The following MUC12 variants were observed in gnomAD, a reference collection of about 807,000 sequenced individuals.
The protein encoded by MUC12 is mucin-12.
MUC12 carries 172 observed loss-of-function variants against 230.8 expected under a neutral mutation model. The ratio of observed to expected loss-of-function variants is 0.75; its 90% CI spans 0.66 to 0.85. The LOEUF (loss-of-function observed/expected upper bound fraction) is 0.85. Ranked by LOEUF, MUC12 falls within the 40% of genes least tolerant of loss-of-function variation. The pLI, the probability that MUC12 is intolerant of heterozygous loss-of-function variation, is 0.00. For missense variants in MUC12, 3,506 were observed against 5,920.6 expected (o/e 0.59, Z 13.38); for synonymous variants, 1,259 against 2,401.9 (o/e 0.52, Z 13.91).
rs1793477583 is a variant in MUC12 at position 100,995,964 on chromosome 7, C to G, written c.5401C>G (p.His1801Asp). ...SGRSEESRTS[H>D]SSTTHTISSP... ...TCGTAGTGAAGAATCAAGAACTTCC[C>G]ACAGCAGCACAACACACACAATATC... Residue 1801 changes from histidine to aspartate, a missense_variant, in exon 2 of 12, where the codon CAC becomes GAC. His to Asp is a moderately conservative substitution (Grantham distance 81, BLOSUM62 -1). Coordinates refer to ENST00000536621, the MANE Select transcript of MUC12 (RefSeq NM_001164462.2). 2.2e-6 allele frequency: 2 copies of G among 912,770 alleles called. No homozygotes were observed. The highest frequency in any genetic ancestry group is 2.6e-5 in the Admixed American group (1 of 38,466). 56.5% of individuals were successfully genotyped at this position (912,770 alleles called of 1,614,324 possible).
Position 100,990,572 on chromosome 7 carries a change from C to A in MUC12, c.68-59C>A, listed in dbSNP as rs10234997. On this transcript the variant is annotated intron_variant, in intron 1 of 11. Coordinates refer to ENST00000536621, the MANE Select transcript of MUC12 (RefSeq NM_001164462.2). ...CGGATGTGTCAGAATTGACTGCCAC[C>A]AAACATGAGGAGACAGTCATAAATC... 1,578 of 1,530,440 alleles carry A rather than the reference C, an allele frequency of 1.0e-3. 16 individuals carry two copies. In the African/African-American group the frequency reaches 0.02, roughly 19 times the overall value. 94.8% of individuals were successfully genotyped at this position (1,530,440 alleles called of 1,614,324 possible). A position where few individuals can be genotyped will look rare whatever the true frequency, so the allele number is the denominator to read the frequency against.
At chr7:101,006,424 C>T in intron 2 of MUC12, 47 bp from the exon 3 acceptor site, 2 of 1,374,524 alleles carry the variant, frequency 1.5e-6, no homozygotes, top group Non-Finnish European at 2.0e-6. Context: ...CGTGTTTTTG[C>T]TCTTTGGGCT....
intron 9 of MUC12, chr7:101,014,381 C>A: frequency 4.1e-6 from 1 of 245,032 alleles, no homozygotes; most frequent in South Asian, 8.8e-5. Context: ...AGTCCAAGAT[C>A]AAGGGGCTGC....
Position 101,018,907 on chromosome 7 carries a change from C to T in MUC12, c.*271C>T. ...GGGTGGCTCCCCACTCTGGAATTTC[C>T]CTACCAATAAAAGCAAATCTGAAAG... On this transcript the variant is annotated 3_prime_UTR_variant, in exon 12 of 12. Coordinates refer to ENST00000536621, the MANE Select transcript of MUC12 (RefSeq NM_001164462.2). 2.3e-6 allele frequency: 1 copy of T among 433,216 alleles called. No individual in the cohort carries two copies. 26.8% of individuals were successfully genotyped at this position (433,216 alleles called of 1,614,324 possible).
rs557993713 is a variant in MUC12 at position 100,992,879 on chromosome 7, C to G, written c.2316C>G (p.Ser772Arg). The stretch of plus-strand genomic sequence containing the variant: ...GTGAGGAATCAACAGCATCGCACAG[C>G]AGCCAAGACGCAACGGGAACAATAG... The part of the protein sequence containing the change: ...GRSEESTASH[S>R]SQDATGTIVL... The change falls in exon 2 of 12, where the codon AGC becomes AGG. Residue 772 changes from serine to arginine, a missense_variant. Physicochemically the swap from Ser to Arg is moderately radical, Grantham distance 110. Transcript: ENST00000536621. 1.3e-6 allele frequency: 2 copies of G among 1,537,744 alleles called. No homozygotes were observed. The highest frequency in any genetic ancestry group is 2.4e-5 in the South Asian group (2 of 84,064).
intron 1 of MUC12, among the ~76,000 whole-genome samples, chr7:100,980,749 C>G (rs1473332854): frequency 6.6e-6 from 1 of 151,810 alleles, no homozygotes; most frequent in Non-Finnish European, 1.5e-5. Context: ...ATAGTGAGAC[C>G]CCATCTCTAC....
Position 100,992,357 on chromosome 7 carries a change from C to A in MUC12, c.1794C>A (p.Ala598=). Residue 598 remains alanine, a synonymous_variant, in exon 2 of 12, where the codon GCC becomes GCA. Coordinates refer to ENST00000536621, the MANE Select transcript of MUC12 (RefSeq NM_001164462.2). Reference sequence around the variant, plus strand: ...CACTCTTACCTGACAACACCACAGCCTCAGGACTCCTTGAAGCATCTATGC... The same window carrying A: ...CACTCTTACCTGACAACACCACAGCATCAGGACTCCTTGAAGCATCTATGC... ...ETTLLPDNTT[A]SGLLEASMPV... is the part of the protein sequence containing the mutation. 1 of 1,536,738 alleles carries A rather than the reference C, an allele frequency of 6.5e-7. No individual in the cohort carries two copies. Among genetic ancestry groups the A allele is most frequent in the Non-Finnish European group, 8.7e-7 (1 of 1,146,048 alleles).
At chr7:101,007,220 A>C (rs1294889836) in intron 3 of MUC12, among the ~76,000 whole-genome samples, 1 of 152,204 alleles carries the variant, frequency 6.6e-6, no homozygotes, top group Admixed American at 6.5e-5. Context: ...CGGCCTCCCA[A>C]AGTGCTGGGA....
chr7:100,976,534 G>A (rs1793033846), intron 1 of MUC12, among the ~76,000 whole-genome samples: 1 of 151,584 alleles, frequency 6.6e-6, no homozygotes, highest in Admixed American at 6.6e-5. Context: ...AACCCAGGAA[G>A]TGGAGATTGC....
rs749821689 is a variant in MUC12 at position 101,004,770 on chromosome 7, C to G, written c.14207C>G (p.Ala4736Gly). 1.7e-5 allele frequency: 26 copies of G among 1,537,252 alleles called. No individual in the cohort carries two copies. Among genetic ancestry groups the G allele is most frequent in the Non-Finnish European group, 2.1e-5 (24 of 1,146,648 alleles). ...ASTATTPGLS[A>G]KSTILYSSSR... Reference sequence around the variant, plus strand: ...ACTGCCACAACACCAGGCCTCAGTGCAAAATCTACCATCCTTTACAGTAGC... The same window carrying G: ...ACTGCCACAACACCAGGCCTCAGTGGAAAATCTACCATCCTTTACAGTAGC... The change falls in exon 2 of 12, where the codon GCA (alanine) becomes GGA (glycine). Residue 4736 changes from alanine (A) to glycine (G), a missense_variant. By Grantham distance (60) the Ala-to-Gly change is moderately conservative. Transcript: ENST00000536621.
rs567278287 is a variant in MUC12 at position 101,006,565 on chromosome 7, C to T, written c.15051C>T (p.Phe5017=). 7.2e-5 allele frequency: 110 copies of T among 1,535,490 alleles called. No homozygotes were observed. In the African/African-American group the frequency reaches 1.1e-3, roughly 16 times the overall value. Residue 5017 remains phenylalanine (F), a synonymous_variant, in exon 3 of 12, where the codon TTC becomes TTT. Transcript: ENST00000536621. The part of the protein sequence containing the change: ...GYQCLSPLES[F]PVETPEKLNA... The stretch of plus-strand genomic sequence containing the variant: ...AGTGCTTGTCCCCTCTGGAATCCTT[C>T]CCTGTAGGTAATGACCTTTTCTGAG...
rs1391916487 is a variant in MUC12, at chr7:100,990,930, G to C, written c.367G>C (p.Ala123Pro). The change falls in exon 2 of 12, where the codon GCG becomes CCG. Residue 123 changes from alanine to proline, a missense_variant. Physicochemically the swap from Ala to Pro is conservative, Grantham distance 27. Transcript: ENST00000536621. ...CACTTCAGCCTCAATGGAAACAACA[G>C]CGTTACCTGGCAGTACCACAACAGC... is the stretch of plus-strand genomic sequence containing the variant. ...PITSASMETT[A>P]LPGSTTTAGL... is the part of the protein sequence containing the mutation. The C allele has an allele frequency of 5.2e-6, 8 of 1,537,678 alleles. No homozygotes were observed. In the African/African-American group the frequency reaches 6.9e-5, roughly 13 times the overall value.
At chr7:100,975,147 G>A (rs1245348978) in intron 1 of MUC12, among the ~76,000 whole-genome samples, 1 of 152,308 alleles carries the variant, frequency 6.6e-6, no homozygotes, top group Non-Finnish European at 1.5e-5. Context: ...TGCTGCAGAG[G>A]ACACAAAAGC....
chr7:101,016,889 G>C (rs992303911), intron 10 of MUC12: 1 of 152,552 alleles, frequency 6.6e-6, no homozygotes, highest in Non-Finnish European at 1.5e-5. Flanking sequence ...TGCAAGGCTC[G>C]TGCCTGTCTG....
rs1259140518 is a variant in MUC12 at position 101,005,247 on chromosome 7, C to T, written c.14684C>T (p.Thr4895Ile). 1.4e-5 allele frequency: 22 copies of T among 1,537,780 alleles called. No individual in the cohort carries two copies. The highest frequency in any genetic ancestry group is 1.9e-5 in the Non-Finnish European group (22 of 1,147,056). Residue 4895 changes from threonine to isoleucine, a missense_variant, in exon 2 of 12, where the codon ACC (threonine) becomes ATC (isoleucine). By Grantham distance (89) the Thr-to-Ile change is moderately conservative. Coordinates refer to ENST00000536621, the MANE Select transcript of MUC12 (RefSeq NM_001164462.2). ...TTCACTCACACAGTGTTACCTGCCACCCTCACAACCACAGACATTGGTCAG... is the reference window on the plus strand; with the variant it reads ...TTCACTCACACAGTGTTACCTGCCATCCTCACAACCACAGACATTGGTCAG... ...PGFTHTVLPA[T>I]LTTTDIGQES...
In MUC12 at chr7:100,992,972, C is replaced by G. The variant is rs1169648920; in HGVS notation, c.2409C>G (p.Gly803=). 1 of 1,537,346 alleles carries G rather than the reference C, an allele frequency of 6.5e-7. No homozygotes were observed. The highest frequency in any genetic ancestry group is 1.4e-5 in the African/African-American group (1 of 72,680). The change falls in exon 2 of 12, where the codon GGC becomes GGG. Residue 803 remains glycine, a synonymous_variant. Coordinates refer to ENST00000536621, the MANE Select transcript of MUC12 (RefSeq NM_001164462.2). ...GESTTSPISS[G]SMETTALPGS... ...CTACGACCTCACCCATCAGTTCAGG[C>G]TCAATGGAAACGACAGCGTTACCCG...
In MUC12 at chr7:101,017,349, CT is replaced by C. The variant is rs553038737; in HGVS notation, c.15878-224del. The C allele has an allele frequency of 1.6e-4, 85 of 521,376 alleles. 1 individual carries two copies. The highest frequency in any genetic ancestry group is 1.3e-3 in the African/African-American group (65 of 51,862). The allele number at this position is 521,376 out of a possible 1,614,324, so 32.3% of individuals were successfully genotyped here. A position where few individuals can be genotyped will look rare whatever the true frequency, so the allele number is the denominator to read the frequency against. On this transcript the variant is annotated intron_variant, in intron 10 of 11. Coordinates refer to ENST00000536621, the MANE Select transcript of MUC12 (RefSeq NM_001164462.2). ...GCTTCCACCCCGTGCATGTGGGGGG[CT>C]TCTGCTCCGCTCCCTCCTGTTCCGG... is the stretch of plus-strand genomic sequence containing the variant.
rs562088876 is a variant in MUC12 at position 100,992,152 on chromosome 7, C to G, written c.1589C>G (p.Ser530Ter). The G allele has an allele frequency of 2.0e-6, 3 of 1,537,970 alleles. No homozygotes were observed. Among genetic ancestry groups the G allele is most frequent in the African/African-American group, 1.4e-5 (1 of 73,156 alleles). Residue 530 changes from serine (S) to a stop codon, truncating the protein, a stop_gained, in exon 2 of 12, where the codon TCA becomes TGA. Coordinates refer to ENST00000536621, the MANE Select transcript of MUC12 (RefSeq NM_001164462.2). LOFTEE classifies it high-confidence loss of function. Reference sequence around the variant, plus strand: ...ACCACCTCCCACAGCCGACCAGGCTCAACACACACAACAGCATTCCCTGGC... The same window carrying G: ...ACCACCTCCCACAGCCGACCAGGCTGAACACACACAACAGCATTCCCTGGC... The part of the protein sequence containing the change: ...ESTTSHSRPG[S>*]THTTAFPGST...
At position 100,992,329 on chromosome 7, in the gene MUC12, C is replaced by A; in HGVS notation, c.1766C>A (p.Thr589Lys). The change falls in exon 2 of 12, where the codon ACA becomes AAA. Residue 589 changes from threonine to lysine, a missense_variant. By Grantham distance (78) the Thr-to-Lys change is moderately conservative. Transcript: ENST00000536621. ...TFHSRPGSTETTLLPDNTTAS... is the reference protein window; with the variant it reads ...TFHSRPGSTEKTLLPDNTTAS... ...CACAGCCGCCCAGGCTCCACTGAAA[C>A]AACACTCTTACCTGACAACACCACA... 6.5e-7 allele frequency: 1 copy of A among 1,536,790 alleles called. No individual in the cohort carries two copies. The highest frequency in any genetic ancestry group is 8.7e-7 in the Non-Finnish European group (1 of 1,146,114).
Sources: allele counts gnomAD v4.1 joint callset (sites outside exome capture counted in the v4.1 genomes callset), GRCh38; gene constraint gnomAD v4.1.1; transcripts MANE v1.5; gene names NCBI Gene and HGNC (gene_info 2026-07-23, HGNC 2026-07-21).